BNC2: variants seen among roughly 807,000 people sequenced by gnomAD.
BNC2 encodes the protein basonuclin zinc finger protein 2.
Under a neutral mutation model 76.3 loss-of-function variants are expected in BNC2, and 20 were observed. That is an observed-to-expected ratio of 0.26 (90% CI 0.18 to 0.38). The LOEUF (loss-of-function observed/expected upper bound fraction) is 0.38, where lower values mean the gene tolerates loss of function less well. BNC2 is among the 10% of genes least tolerant of loss of function. The probability of loss-of-function intolerance (pLI) is 1.00; values close to 1 mark genes in which losing one functional copy is unlikely to be tolerated. For missense variants in BNC2, 1,382 were observed against 1,399.8 expected (o/e 0.99, Z 0.20); for synonymous variants, 582 against 514.8 (o/e 1.13, Z -1.77).
intron 5 of BNC2, among the ~76,000 whole-genome samples, chr9:16,451,198 A>G (rs1821333092): frequency 1.3e-5 from 2 of 152,200 alleles, no homozygotes; most frequent in Non-Finnish European, 2.9e-5. Flanking sequence ...ACCTCAAAGA[A>G]GGTAAGCACC....
At chr9:16,681,765 C>T (rs1347248314) in intron 3 of BNC2, among the ~76,000 whole-genome samples, 6 of 152,122 alleles carry the variant, frequency 3.9e-5, no homozygotes, top group Non-Finnish European at 8.8e-5. Context: ...AAATAAACCG[C>T]AGGGCTGATG....
At chr9:16,804,224 A>C (rs1246295513) in intron 1 of BNC2, among the ~76,000 whole-genome samples, 1 of 152,262 alleles carries the variant, frequency 6.6e-6, no homozygotes, top group Admixed American at 6.5e-5. Context: ...TTTTATTCTA[A>C]AAGTAATGCA....
chr9:16,734,917 A>G (rs1824620890), intron 2 of BNC2, among the ~76,000 whole-genome samples: 1 of 152,126 alleles, frequency 6.6e-6, no homozygotes, highest in South Asian at 2.1e-4. Flanking sequence ...TAAAAGCTTC[A>G]CCCTTCTCAG....
chr9:16,494,938 C>G (rs1314371339), intron 5 of BNC2, among the ~76,000 whole-genome samples: 1 of 152,110 alleles, frequency 6.6e-6, no homozygotes, highest in Non-Finnish European at 1.5e-5. Context: ...ATGTAACAAA[C>G]TTGCACATTG....
At chr9:16,763,592 A>C (rs911646099) in intron 1 of BNC2, among the ~76,000 whole-genome samples, 1 of 152,066 alleles carries the variant, frequency 6.6e-6, no homozygotes, top group Non-Finnish European at 1.5e-5. Flanking sequence ...AAAAACCATC[A>C]TCACCTTCAG....
rs1410915156 is a variant in BNC2 at position 16,418,727 on chromosome 9, C to T, written c.*262G>A. 5 of 454,538 alleles carry T rather than the reference C, an allele frequency of 1.1e-5. No individual in the cohort carries two copies. The highest frequency in any genetic ancestry group is 2.1e-5 in the South Asian group (1 of 46,972). 28.2% of individuals were successfully genotyped at this position (454,538 alleles called of 1,614,324 possible). The stretch of plus-strand genomic sequence containing the variant: ...GTGTGTGTGTGTGTTTAAAGGGGTA[C>T]TCTGTTTTCACCCTGAAATCAAAGA... On this transcript the variant is annotated 3_prime_UTR_variant, in exon 7 of 7. Coordinates refer to ENST00000380672, the MANE Select transcript of BNC2 (RefSeq NM_017637.6).
intron 5 of BNC2, among the ~76,000 whole-genome samples, chr9:16,480,212 G>A (rs1822016865): frequency 6.6e-6 from 1 of 152,170 alleles, no homozygotes; most frequent in African/African-American, 2.4e-5. Flanking sequence ...TCAAACTCTG[G>A]CAACCTAGCA....
intron 3 of BNC2, among the ~76,000 whole-genome samples, chr9:16,627,785 A>AAT (rs1309145158): frequency 6.6e-6 from 1 of 152,168 alleles, no homozygotes; most frequent in South Asian, 2.1e-4. Context: ...TCAGCAAATT[A>AAT]ATGTCTTTTA....
At chr9:16,654,390 A>C (rs1214733485) in intron 3 of BNC2, among the ~76,000 whole-genome samples, 1 of 152,192 alleles carries the variant, frequency 6.6e-6, no homozygotes, top group Non-Finnish European at 1.5e-5. Context: ...AAGTTGTGCT[A>C]ATGAAAGAGA....
At chr9:16,600,049 C>G (rs528676115) in intron 3 of BNC2, among the ~76,000 whole-genome samples, 1 of 152,282 alleles carries the variant, frequency 6.6e-6, no homozygotes, top group African/African-American at 2.4e-5. Context: ...TATAAGAAAC[C>G]TATATCTAGA....
intron 5 of BNC2, among the ~76,000 whole-genome samples, chr9:16,543,434 T>G (rs1818384393): frequency 6.6e-6 from 1 of 152,136 alleles, no homozygotes. Context: ...ACAGACAATG[T>G]CCATTTCAAG....
intron 1 of BNC2, among the ~76,000 whole-genome samples, chr9:16,835,735 A>G (rs1818691588): frequency 6.6e-6 from 1 of 152,164 alleles, no homozygotes; most frequent in African/African-American, 2.4e-5. Flanking sequence ...CTTAATATCT[A>G]TCTAGCAGAA....
chr9:16,790,515 T>C (rs1034946301), intron 1 of BNC2, among the ~76,000 whole-genome samples: 2 of 152,238 alleles, frequency 1.3e-5, no homozygotes, highest in East Asian at 1.9e-4. Flanking sequence ...CTTATTCTCG[T>C]TGCTAATTTA....
intron 1 of BNC2, among the ~76,000 whole-genome samples, chr9:16,769,090 C>T (rs1004921758): frequency 1.1e-4 from 16 of 152,178 alleles, no homozygotes; most frequent in African/African-American, 3.6e-4. Flanking sequence ...GTAAGAATTA[C>T]AAATAGGACC....
At chr9:16,832,183 A>G (rs1360920137) in intron 1 of BNC2, 3 of 839,384 alleles carry the variant, frequency 3.6e-6, no homozygotes, top group Non-Finnish European at 4.9e-6. Flanking sequence ...ATGCGCCCTT[A>G]TTAAAACTAC....
At chr9:16,734,086 C>A (rs748777620) in intron 2 of BNC2, among the ~76,000 whole-genome samples, 11 of 152,132 alleles carry the variant, frequency 7.2e-5, no homozygotes, top group Non-Finnish European at 1.3e-4. Flanking sequence ...CTTTAAGGAA[C>A]CTGGACAGCT....
chr9:16,764,739 G>GT (rs77160699), intron 1 of BNC2, among the ~76,000 whole-genome samples: 12,369 of 149,306 alleles, frequency 0.083, 1,445 homozygotes, highest in African/African-American at 0.26. Flanking sequence ...TTATTTGTCT[G>GT]TTTTTTTTTT....
At chr9:16,594,630 CTG>C (rs1820017017) in intron 3 of BNC2, among the ~76,000 whole-genome samples, 1 of 152,176 alleles carries the variant, frequency 6.6e-6, no homozygotes, top group East Asian at 1.9e-4. Flanking sequence ...TTGAGACAGA[CTG>C]TAAGACTAAT....
chr9:16,773,781 C>T (rs1586872142), intron 1 of BNC2, among the ~76,000 whole-genome samples: 1 of 152,142 alleles, frequency 6.6e-6, no homozygotes, highest in Admixed American at 6.5e-5. Context: ...CTTTCATACA[C>T]CTACATGCCA....
Sources: allele counts gnomAD v4.1 joint callset (sites outside exome capture counted in the v4.1 genomes callset), GRCh38; gene constraint gnomAD v4.1.1; transcripts MANE v1.5; gene names NCBI Gene and HGNC (gene_info 2026-07-23, HGNC 2026-07-21).